SLC2A9: variants seen among roughly 807,000 people sequenced by gnomAD.
SLC2A9 encodes solute carrier family 2 member 9, also known as solute carrier family 2, facilitated glucose transporter member 9.
In SLC2A9, 39 loss-of-function variants were observed where a neutral mutation model predicts 50.6. The ratio of observed to expected loss-of-function variants is 0.77; its 90% confidence interval spans 0.60 to 1.01. The LOEUF (loss-of-function observed/expected upper bound fraction) is 1.01. Among genes scored for constraint, SLC2A9 ranks in the 50% least tolerant of loss-of-function variants. The pLI, the probability that SLC2A9 is intolerant of heterozygous loss-of-function variation, is 0.00. For synonymous variants in SLC2A9, 324 were observed against 276.9 expected (o/e 1.17, Z -1.69); for missense variants, 686 against 677.6 (o/e 1.01, Z -0.14).
chr4:10,020,857 G>A (rs1763420782), intron 1 of SLC2A9, among the ~76,000 whole-genome samples: 1 of 152,190 alleles, frequency 6.6e-6, no homozygotes, highest in African/African-American at 2.4e-5. Flanking sequence ...CCTCAGCTGT[G>A]CTCCCCGGAG....
chr4:9,809,995 A>C (rs995682241), intron 3 of SLC2A9, among the ~76,000 whole-genome samples: 4 of 152,046 alleles, frequency 2.6e-5, no homozygotes, highest in Non-Finnish European at 5.9e-5. Flanking sequence ...TGCTATTCTT[A>C]TATTATTCTT....
chr4:9,915,118 C>T (rs1474848750), intron 7 of SLC2A9, among the ~76,000 whole-genome samples: 1 of 152,208 alleles, frequency 6.6e-6, no homozygotes, highest in Non-Finnish European at 1.5e-5. Context: ...CAGGACTACA[C>T]AGCTGGGAAG....
chr4:9,874,926 GAA>G (rs1734052320), intron 10 of SLC2A9, among the ~76,000 whole-genome samples: 1 of 147,274 alleles, frequency 6.8e-6, no homozygotes. Flanking sequence ...TGTGTCTTTA[GAA>G]ATGGCCATAG....
chr4:9,832,780 A>C (rs530451997), intron 11 of SLC2A9, among the ~76,000 whole-genome samples: 1 of 152,342 alleles, frequency 6.6e-6, no homozygotes, highest in African/African-American at 2.4e-5. Context: ...AAAGGGAGTG[A>C]TACAGGCACT....
At chr4:9,864,387 C>A (rs547650804) in intron 10 of SLC2A9, among the ~76,000 whole-genome samples, 2 of 152,302 alleles carry the variant, frequency 1.3e-5, no homozygotes, top group East Asian at 1.9e-4. Flanking sequence ...GGGAGCTGCC[C>A]CAAACAGCCT....
At chr4:9,793,539 T>A (rs1720227110) in intron 3 of SLC2A9, among the ~76,000 whole-genome samples, 1 of 152,242 alleles carries the variant, frequency 6.6e-6, no homozygotes, top group African/African-American at 2.4e-5. Context: ...CATTGTTGAA[T>A]TATTTGTGGA....
At chr4:9,816,738 G>GA (rs1723648682) in intron 3 of SLC2A9, among the ~76,000 whole-genome samples, 2 of 151,854 alleles carry the variant, frequency 1.3e-5, no homozygotes, top group Admixed American at 1.3e-4. Context: ...CAATGTAGCT[G>GA]AAAAAATGGA....
intron 3 of SLC2A9, among the ~76,000 whole-genome samples, chr4:9,990,250 G>T (rs922955730): frequency 6.6e-6 from 1 of 152,122 alleles, no homozygotes; most frequent in African/African-American, 2.4e-5. Flanking sequence ...ATGCTTAGAT[G>T]CAAGCAAGGA....
intron 5 of SLC2A9, among the ~76,000 whole-genome samples, chr4:9,963,032 C>T (rs1020138197): frequency 6.6e-5 from 10 of 152,198 alleles, no homozygotes; most frequent in African/African-American, 2.2e-4. Flanking sequence ...TCTCTCGCTG[C>T]ATTAGGGCCA....
upstream of SLC2A9, among the ~76,000 whole-genome samples, chr4:10,022,313 C>CTG (rs1323072855): frequency 4.6e-5 from 7 of 152,244 alleles, no homozygotes; most frequent in African/African-American, 1.7e-4. Context: ...TGAGTGTGGG[C>CTG]TCTCCTGTAG....
At chr4:9,918,159 C>T (rs998982359) in intron 7 of SLC2A9, among the ~76,000 whole-genome samples, 2 of 152,158 alleles carry the variant, frequency 1.3e-5, no homozygotes, top group African/African-American at 4.8e-5. Context: ...GCAGTATTTA[C>T]GGATGTCTCC....
chr4:9,980,794 T>C, intron 4 of SLC2A9, 57 bp from the exon 5 acceptor site: 2 of 1,611,528 alleles, frequency 1.2e-6, no homozygotes, highest in Non-Finnish European at 8.5e-7. Flanking sequence ...GGAGCTGCAC[T>C]CTGGTTACAA....
At position 9,962,076 on chromosome 4, in the gene SLC2A9, G is replaced by C. The variant is rs28757356; in HGVS notation, c.681+18516C>G. 7.3e-3 allele frequency among the ~76,000 whole-genome samples: 1,119 copies of C among 152,342 alleles called. 11 individuals carry two copies. Among genetic ancestry groups the C allele is most frequent in the Middle Eastern group, 0.044 (13 of 294 alleles). ...AAAAAGTCAAGAAACAACAGATGCT[G>C]ATGGGGCTGTGGAGAGATACGAATG... On this transcript the variant is annotated intron_variant, in intron 5 of 11. Coordinates refer to ENST00000264784, the MANE Select transcript of SLC2A9 (RefSeq NM_020041.3).
chr4:9,966,630 C>T (rs993893478), intron 5 of SLC2A9, among the ~76,000 whole-genome samples: 3 of 151,914 alleles, frequency 2.0e-5, no homozygotes, highest in Non-Finnish European at 2.9e-5. Flanking sequence ...CCAGCCTTGG[C>T]GATGGAGTAA....
At chr4:9,852,102 C>T (rs1301102944) in intron 10 of SLC2A9, among the ~76,000 whole-genome samples, 1 of 152,092 alleles carries the variant, frequency 6.6e-6, no homozygotes, top group South Asian at 2.1e-4. Flanking sequence ...TCAGATTCTC[C>T]AAGGTCAAAA....
intron 2 of SLC2A9, among the ~76,000 whole-genome samples, chr4:10,007,868 G>A (rs1356088540): frequency 6.6e-6 from 1 of 152,064 alleles, no homozygotes; most frequent in African/African-American, 2.4e-5. Context: ...ATGGGAATAA[G>A]AACCCCTAGC....
chr4:9,809,913 C>T (rs1195755655), intron 3 of SLC2A9, among the ~76,000 whole-genome samples: 2 of 150,632 alleles, frequency 1.3e-5, no homozygotes, highest in Admixed American at 1.3e-4. Context: ...TAGACAGATG[C>T]ATGCAAAAAT....
intron 8 of SLC2A9, among the ~76,000 whole-genome samples, chr4:9,898,086 T>C (rs552279079): frequency 6.6e-6 from 1 of 152,308 alleles, no homozygotes; most frequent in South Asian, 2.1e-4. Flanking sequence ...GCTGATGCTT[T>C]GCTCTCAGGC....
intron 2 of SLC2A9, among the ~76,000 whole-genome samples, chr4:10,012,767 G>A (rs933323259): frequency 6.6e-6 from 1 of 152,134 alleles, no homozygotes; most frequent in Non-Finnish European, 1.5e-5. Flanking sequence ...GTGTTTGAGG[G>A]GCAGCAAGTG....
Sources: allele counts gnomAD v4.1 joint callset (sites outside exome capture counted in the v4.1 genomes callset), GRCh38; gene constraint gnomAD v4.1.1; transcripts MANE v1.5; gene names NCBI Gene and HGNC (gene_info 2026-07-23, HGNC 2026-07-21).